The following SRGAP3 variants were observed in gnomAD, a reference collection of about 807,000 sequenced individuals.
SRGAP3 encodes SLIT-ROBO Rho GTPase activating protein 3, also known as SLIT-ROBO Rho GTPase-activating protein 3.
SRGAP3 carries 39 observed loss-of-function variants against 121.1 expected under a neutral mutation model. The ratio of observed to expected loss-of-function variants is 0.32; its 90% CI spans 0.25 to 0.42. The LOEUF (loss-of-function observed/expected upper bound fraction) is 0.42, where lower values mean the gene tolerates loss of function less well. Ranked by LOEUF, SRGAP3 falls within the 10% of genes least tolerant of loss-of-function variation. The pLI, the probability that SRGAP3 is intolerant of heterozygous loss-of-function variation, is 1.00. For synonymous variants in SRGAP3, 601 were observed against 570.0 expected (o/e 1.05, Z -0.77); for missense variants, 1,213 against 1,470.6 (o/e 0.82, Z 2.86).
At chr3:9,029,070 G>C (rs1165679199) in intron 12 of SRGAP3, among the ~76,000 whole-genome samples, 1 of 152,174 alleles carries the variant, frequency 6.6e-6, no homozygotes, top group Non-Finnish European at 1.5e-5. Context: ...CATCTCGACA[G>C]CTGGAATTGT....
intron 1 of SRGAP3, among the ~76,000 whole-genome samples, chr3:9,214,334 C>T (rs1952546692): frequency 6.6e-6 from 1 of 152,164 alleles, no homozygotes; most frequent in African/African-American, 2.4e-5. Flanking sequence ...GGGCAGGTAG[C>T]ATAACCCTTA....
chr3:9,203,416 C>G (rs1315989877), intron 1 of SRGAP3, among the ~76,000 whole-genome samples: 2 of 152,232 alleles, frequency 1.3e-5, no homozygotes, highest in African/African-American at 4.8e-5. Flanking sequence ...TGAGAGTTCA[C>G]AGACATTTAC....
chr3:9,091,154 A>G (rs1947739405), intron 3 of SRGAP3, among the ~76,000 whole-genome samples: 1 of 152,134 alleles, frequency 6.6e-6, no homozygotes, highest in Non-Finnish European at 1.5e-5. Context: ...ATCTTTTAGA[A>G]AATTGTAATG....
At chr3:9,250,192 A>G (rs768813268), upstream of SRGAP3, among the ~76,000 whole-genome samples, 7 of 152,220 alleles carry the variant, frequency 4.6e-5, no homozygotes, top group Non-Finnish European at 1.0e-4. Context: ...CCTAGATAGT[A>G]AAATCAGCTC....
intron 1 of SRGAP3, among the ~76,000 whole-genome samples, chr3:9,344,192 C>T (rs561741484): frequency 2.0e-4 from 30 of 152,184 alleles, no homozygotes; most frequent in South Asian, 8.3e-4. Flanking sequence ...CGGTGGCTCA[C>T]GCCTGTAATC....
intron 1 of SRGAP3, among the ~76,000 whole-genome samples, chr3:9,157,182 G>A (rs1950447200): frequency 6.6e-6 from 1 of 152,182 alleles, no homozygotes; most frequent in Non-Finnish European, 1.5e-5. Flanking sequence ...GCGTGACTGG[G>A]AGGCCTCCAG....
chr3:9,178,062 G>A (rs1951243697), intron 1 of SRGAP3, among the ~76,000 whole-genome samples: 1 of 152,098 alleles, frequency 6.6e-6, no homozygotes, highest in Non-Finnish European at 1.5e-5. Flanking sequence ...GAGCCCAGGA[G>A]TTCGAGATCA....
chr3:9,009,673 C>T lies in SRGAP3; in HGVS notation c.2227+635G>A, dbSNP rs1299473977. Among the ~76,000 whole-genome samples the T allele has an allele frequency of 3.9e-5, 6 of 152,126 alleles. No individual in the cohort carries two copies. In the East Asian group the frequency reaches 7.8e-4, roughly 20 times the overall value. On this transcript the variant is annotated intron_variant, in intron 18 of 21. Transcript: ENST00000383836. ...CCAGTTTCCCTAGAGACTAGTCCGA[C>T]TCTCTTCTCCTTGTCTGGAAGGGGT... is the stretch of plus-strand genomic sequence containing the variant.
Position 9,164,791 on chromosome 3 carries a change from GC to G in SRGAP3, c.68-39875del, listed in dbSNP as rs111426183. Among the ~76,000 whole-genome samples, 34 of 152,296 alleles carry G rather than the reference GC, an allele frequency of 2.2e-4. 1 individual carries two copies. Among genetic ancestry groups the G allele is most frequent in the African/African-American group, 8.2e-4 (34 of 41,560 alleles). ...CTTCAGATAGCCTCTACTACTGTCG[GC>G]GTCTACAGTGTTCATACCACACCTT... On this transcript the variant is annotated intron_variant, in intron 1 of 21. Coordinates refer to ENST00000383836, the MANE Select transcript of SRGAP3 (RefSeq NM_014850.4).
At chr3:9,256,424 C>T (rs183085693) in intron 3 of SRGAP3, among the ~76,000 whole-genome samples, 27 of 152,332 alleles carry the variant, frequency 1.8e-4, no homozygotes, top group African/African-American at 6.3e-4. Context: ...TAGAGGAGAC[C>T]TCTGGCTCTG....
rs373469478 is a variant in SRGAP3, at chr3:9,038,097, A to G, written c.1409-7T>C. 1 of 1,614,094 alleles carries G rather than the reference A, an allele frequency of 6.2e-7. No individual in the cohort carries two copies. The highest frequency in any genetic ancestry group is 1.3e-5 in the African/African-American group (1 of 74,950). On this transcript the variant is annotated splice_region_variant and splice_polypyrimidine_tract_variant and intron_variant, in intron 10 of 21. Transcript: ENST00000383836. ...CCGCATTCTGCTCTTTCCCCTGCAA[A>G]GAAAAGTATACATGAATGTTTAATT...
At chr3:9,294,722 G>GTGTA (rs1349805878) in intron 3 of SRGAP3, among the ~76,000 whole-genome samples, 54 of 151,352 alleles carry the variant, frequency 3.6e-4, no homozygotes, top group African/African-American at 1.2e-3. Flanking sequence ...GTGTGTGTGT[G>GTGTA]TGTGTGTGTG....
intron 8 of SRGAP3, among the ~76,000 whole-genome samples, chr3:9,054,260 T>G (rs1161548237): frequency 1.3e-5 from 2 of 152,190 alleles, no homozygotes; most frequent in African/African-American, 4.8e-5. Context: ...ACCCTCCTCC[T>G]TTTTGGAATT....
chr3:9,136,797 C>T (rs546061060), intron 1 of SRGAP3, among the ~76,000 whole-genome samples: 5 of 152,278 alleles, frequency 3.3e-5, no homozygotes, highest in African/African-American at 1.2e-4. Context: ...CTGGGTCTAT[C>T]CCTGATCCCC....
At chr3:9,252,824 T>C (rs1330681603), upstream of SRGAP3, among the ~76,000 whole-genome samples, 1 of 152,204 alleles carries the variant, frequency 6.6e-6, no homozygotes, top group Non-Finnish European at 1.5e-5. Context: ...CACATGGTAG[T>C]AACAGAAACC....
intron 4 of SRGAP3, among the ~76,000 whole-genome samples, chr3:9,070,071 A>G (rs979716804): frequency 2.0e-5 from 3 of 152,250 alleles, no homozygotes; most frequent in African/African-American, 7.2e-5. Context: ...TCTTCTGGTC[A>G]TCACACTGCC....
At chr3:9,112,442 TGCCAG>T (rs1948663166) in intron 2 of SRGAP3, among the ~76,000 whole-genome samples, 1 of 152,256 alleles carries the variant, frequency 6.6e-6, no homozygotes, top group Non-Finnish European at 1.5e-5. Context: ...GCCTGTTCTG[TGCCAG>T]GCAATGGTAA....
At chr3:9,019,913 A>G (rs772545214) in intron 14 of SRGAP3, among the ~76,000 whole-genome samples, 2 of 152,256 alleles carry the variant, frequency 1.3e-5, no homozygotes, top group African/African-American at 2.4e-5. Context: ...TGCTGCCTCC[A>G]TAAGACTTCT....
intron 10 of SRGAP3, among the ~76,000 whole-genome samples, chr3:9,040,569 T>C (rs1315538393): frequency 6.6e-6 from 1 of 151,900 alleles, no homozygotes; most frequent in Admixed American, 6.5e-5. Context: ...TATTCTATTT[T>C]ATATTATTTT....
Sources: allele counts gnomAD v4.1 joint callset (sites outside exome capture counted in the v4.1 genomes callset), GRCh38; gene constraint gnomAD v4.1.1; transcripts MANE v1.5; gene names NCBI Gene and HGNC (gene_info 2026-07-23, HGNC 2026-07-21).